Variants in ITGB5 observed in about 807,000 individuals in gnomAD.
The protein encoded by ITGB5 is integrin subunit beta 5, also known as integrin beta-5.
In ITGB5, 38 loss-of-function variants were observed where a neutral mutation model predicts 84.8. The ratio of observed to expected loss-of-function variants is 0.45; its 90% CI spans 0.35 to 0.59. The LOEUF is 0.59. Among genes scored for constraint, ITGB5 ranks in the 20% least tolerant of loss-of-function variants. The probability of loss-of-function intolerance (pLI) is 0.01; values close to 1 mark genes in which losing one functional copy is unlikely to be tolerated. For missense variants in ITGB5, 905 were observed against 1,034.5 expected, an observed-to-expected ratio of 0.87 and a Z score of 1.72; for synonymous variants, 393 against 414.4, an observed-to-expected ratio of 0.95 and a Z score of 0.63.
intron 2 of ITGB5, 43 bp downstream of exon 2, chr3:124,873,403 G>C (rs779517504): frequency 1.5e-6 from 2 of 1,345,750 alleles, no homozygotes; most frequent in South Asian, 2.3e-5. Context: ...CCTCACCCTC[G>C]CAGCATTCCT....
chr3:124,796,448 C>G lies in ITGB5; in HGVS notation c.1633G>C (p.Gly545Arg). The change falls in exon 10 of 15, where the codon GGG (glycine) becomes CGG (arginine). Residue 545 changes from glycine to arginine, a missense_variant. Transcript: ENST00000296181. ...AAGTTGTCGCACTCACAGAAAGGCC[C>G]ATAGATCTTGCCAAACTCGCTCTCG... ...CFESEFGKIY[G>R]PFCECDNFSC... 1 of 1,614,182 alleles carries G rather than the reference C, an allele frequency of 6.2e-7. No individual in the cohort carries two copies. Among genetic ancestry groups the G allele is most frequent in the Non-Finnish European group, 8.5e-7 (1 of 1,180,032 alleles).
At chr3:124,839,619 AT>A (rs1487031981) in intron 5 of ITGB5, among the ~76,000 whole-genome samples, 1 of 152,112 alleles carries the variant, frequency 6.6e-6, no homozygotes. Context: ...TCTCTGCACT[AT>A]TTTTTTCCCT....
intron 1 of ITGB5, among the ~76,000 whole-genome samples, chr3:124,895,291 A>G (rs1370279401): frequency 6.6e-6 from 1 of 152,184 alleles, no homozygotes; most frequent in East Asian, 1.9e-4. Flanking sequence ...CAGTGGCACC[A>G]TCATAGCTCA....
chr3:124,819,595 T>A (rs1040203766), intron 7 of ITGB5, 144 bp downstream of exon 7: 1 of 662,262 alleles, frequency 1.5e-6, no homozygotes, highest in Non-Finnish European at 2.8e-6. Flanking sequence ...TGCTTAATTG[T>A]TTCCTCCTAT....
intron 11 of ITGB5, among the ~76,000 whole-genome samples, chr3:124,772,704 G>A (rs2063863792): frequency 6.6e-6 from 1 of 152,130 alleles, no homozygotes; most frequent in South Asian, 2.1e-4. Flanking sequence ...GAGCATGCGG[G>A]GCTGAGCAGG....
intron 11 of ITGB5, chr3:124,769,622 C>G (rs1472117116): frequency 6.6e-6 from 1 of 152,376 alleles, no homozygotes; most frequent in African/African-American, 2.4e-5. Context: ...CTCCCAGTAC[C>G]TGGGCCCAAC....
At chr3:124,807,129 T>C (rs1474282947) in intron 9 of ITGB5, among the ~76,000 whole-genome samples, 1 of 152,084 alleles carries the variant, frequency 6.6e-6, no homozygotes, top group African/African-American at 2.4e-5. Flanking sequence ...TAAATAATCA[T>C]TTGTGGGCAG....
chr3:124,841,579 T>C, intron 4 of ITGB5, 28 bp from the exon 5 acceptor site: 1 of 1,607,188 alleles, frequency 6.2e-7, no homozygotes, highest in Non-Finnish European at 8.5e-7. Context: ...AAGAGTCACT[T>C]TTCCATCATT....
chr3:124,893,540 C>G (rs1935042912), intron 1 of ITGB5, among the ~76,000 whole-genome samples: 1 of 152,090 alleles, frequency 6.6e-6, no homozygotes, highest in Admixed American at 6.5e-5. Context: ...AAAAAGTAAT[C>G]CCTGTGCCAG....
intron 5 of ITGB5, among the ~76,000 whole-genome samples, chr3:124,823,854 C>A (rs560243246): frequency 6.6e-6 from 1 of 152,088 alleles, no homozygotes; most frequent in Non-Finnish European, 1.5e-5. Context: ...CAAAAGGGCA[C>A]AGCCATGTGC....
chr3:124,809,074 C>A lies in ITGB5; in HGVS notation c.1211G>T (p.Gly404Val). 1 of 1,614,136 alleles carries A rather than the reference C, an allele frequency of 6.2e-7. No individual in the cohort carries two copies. The highest frequency in any genetic ancestry group is 8.5e-7 in the Non-Finnish European group (1 of 1,180,012). Residue 404 changes from glycine to valine, a missense_variant, in exon 9 of 15, where the codon GGG (glycine) becomes GTG (valine). By Grantham distance (109) the Gly-to-Val change is moderately radical (BLOSUM62 -3). Transcript: ENST00000296181. ...NLFFTATCQD[G>V]VSYPGQRKCE... ...CTTCCTCTGACCAGGATAGGATACC[C>A]CATCTTGGCAGGTAGCAGTAAAGAA...
rs60292129 is a variant in ITGB5, at chr3:124,798,055, C to CTTTTTTTTTTTTTTTTTTTTTTTTT, written c.1264-1239_1264-1238insAAAAAAAAAAAAAAAAAAAAAAAAA. Among the ~76,000 whole-genome samples, 10 of 103,648 alleles carry CTTTTTTTTTTTTTTTTTTTTTTTTT rather than the reference C, an allele frequency of 9.6e-5. 3 individuals carry two copies. Among genetic ancestry groups the CTTTTTTTTTTTTTTTTTTTTTTTTT allele is most frequent in the African/African-American group, 3.6e-4 (9 of 25,024 alleles). 68.0% of individuals were successfully genotyped at this position (103,648 alleles called of 152,430 possible). On this transcript the variant is annotated intron_variant, in intron 9 of 14. Coordinates refer to ENST00000296181, the MANE Select transcript of ITGB5 (RefSeq NM_002213.5). ...TTCTATTCTTTCGGCTAGAATAAAG[C>CTTTTTTTTTTTTTTTTTTTTTTTTT]TTTTTTTTTTTTTTTTGAGGTGGAG...
chr3:124,856,122 T>G (rs2065219554), intron 3 of ITGB5, among the ~76,000 whole-genome samples: 5 of 151,990 alleles, frequency 3.3e-5, no homozygotes, highest in Admixed American at 2.6e-4. Flanking sequence ...CTGACCTCAA[T>G]CGATCCTCTC....
chr3:124,822,983 G>A (rs1259013908), intron 5 of ITGB5, among the ~76,000 whole-genome samples: 1 of 152,198 alleles, frequency 6.6e-6, no homozygotes, highest in Non-Finnish European at 1.5e-5. Context: ...AGCTGAAAGA[G>A]GGTGGGATGG....
intron 3 of ITGB5, among the ~76,000 whole-genome samples, chr3:124,850,978 T>C (rs2065144445): frequency 1.3e-5 from 2 of 152,264 alleles, no homozygotes; most frequent in Admixed American, 6.5e-5. Flanking sequence ...CTCTGCCTGA[T>C]GCCATGATCT....
chr3:124,764,627 A>G, intron 13 of ITGB5, 70 bp from the exon 14 acceptor site: 1 of 1,482,704 alleles, frequency 6.7e-7, no homozygotes, highest in African/African-American at 1.4e-5. Flanking sequence ...AACTGCAGGC[A>G]TTTCTGAGAT....
chr3:124,769,253 C>T, intron 11 of ITGB5, 140 bp from the exon 12 acceptor site: 1 of 643,340 alleles, frequency 1.6e-6, no homozygotes, highest in Non-Finnish European at 2.7e-6. Context: ...GGGAATGTTT[C>T]TGCTCTGCCT....
At chr3:124,845,606 A>C (rs2065066503) in intron 4 of ITGB5, among the ~76,000 whole-genome samples, 2 of 152,202 alleles carry the variant, frequency 1.3e-5, no homozygotes. Flanking sequence ...TCTGCCTTAG[A>C]GGACTTAGAG....
intron 9 of ITGB5, among the ~76,000 whole-genome samples, chr3:124,801,082 C>T (rs1173188605): frequency 6.6e-6 from 1 of 152,182 alleles, no homozygotes; most frequent in Non-Finnish European, 1.5e-5. Context: ...CTGCTCAGAT[C>T]TCAACAAAAA....
Sources: allele counts gnomAD v4.1 joint callset (sites outside exome capture counted in the v4.1 genomes callset), GRCh38; gene constraint gnomAD v4.1.1; transcripts MANE v1.5; gene names NCBI Gene and HGNC (gene_info 2026-07-23, HGNC 2026-07-21).